Variants in PROCR observed in about 807,000 individuals in gnomAD.
The protein encoded by PROCR is endothelial protein C receptor.
A neutral mutation model predicts 24.2 loss-of-function variants in PROCR; 22 were observed. That is an observed-to-expected ratio of 0.91 (90% CI 0.65 to 1.30). The LOEUF (loss-of-function observed/expected upper bound fraction) is 1.30, where lower values mean the gene tolerates loss of function less well. Ranked by LOEUF, PROCR falls within the 50% of genes most tolerant of loss-of-function variation. The probability of loss-of-function intolerance (pLI) is 0.00; values close to 1 mark genes in which losing one functional copy is unlikely to be tolerated. For synonymous variants in PROCR, 137 were observed against 139.2 expected, an observed-to-expected ratio of 0.98 and a Z score of 0.11; for missense variants, 288 against 307.7, an observed-to-expected ratio of 0.94 and a Z score of 0.48.
chr20:35,176,863 G>A lies in PROCR; in HGVS notation c.*50G>A, dbSNP rs756214980. On this transcript the variant is annotated 3_prime_UTR_variant, in exon 4 of 4. Transcript: ENST00000216968. Reference sequence around the variant, plus strand: ...GGCTGGATTGATGGAGGCTGGCAAGGGAAAGTTTCAGCTCACTGTGAAGCC... The same window carrying A: ...GGCTGGATTGATGGAGGCTGGCAAGAGAAAGTTTCAGCTCACTGTGAAGCC... The A allele has an allele frequency of 1.9e-6, 3 of 1,596,932 alleles. No homozygotes were observed. Among genetic ancestry groups the A allele is most frequent in the East Asian group, 2.2e-5 (1 of 44,476 alleles).
intron 1 of PROCR, among the ~76,000 whole-genome samples, chr20:35,194,856 G>A (rs976551892): frequency 2.0e-5 from 3 of 152,128 alleles, no homozygotes; most frequent in African/African-American, 7.2e-5. Flanking sequence ...AAATAAACTA[G>A]TCACCATCCA....
rs116354683 is a variant in PROCR at position 35,204,689 on chromosome 20, C to T, written c.95-11204C>T. 8.2e-3 allele frequency among the ~76,000 whole-genome samples: 1,243 copies of T among 152,040 alleles called. 9 individuals are homozygous for T. Among genetic ancestry groups the T allele is most frequent in the African/African-American group, 0.029 (1,185 of 41,488 alleles). On this transcript the variant is annotated intron_variant, in intron 1 of 1. Transcript: ENST00000634509. ...CATGCCTGGCCCCCAAATGGTTTCA[C>T]TGGGAAATTCTACCAAATGTTAAAG...
At chr20:35,214,091 A>G (rs138085359) in intron 1 of PROCR, among the ~76,000 whole-genome samples, 2,293 of 152,048 alleles carry the variant, frequency 0.015, 57 homozygotes, top group African/African-American at 0.052. Context: ...ATAAAATAAA[A>G]TAATTAAAAA....
At chr20:35,213,904 G>A (rs1289393538) in intron 1 of PROCR, among the ~76,000 whole-genome samples, 1 of 147,122 alleles carries the variant, frequency 6.8e-6, no homozygotes, top group Non-Finnish European at 1.5e-5. Context: ...GTGAAACACT[G>A]TCTCTACTAA....
At chr20:35,182,689 T>G (rs1012454412) in intron 1 of PROCR, among the ~76,000 whole-genome samples, 1 of 152,130 alleles carries the variant, frequency 6.6e-6, no homozygotes, top group Non-Finnish European at 1.5e-5. Flanking sequence ...AATGTGATGT[T>G]ATGTGGCCGG....
At chr20:35,208,902 G>T (rs1216045682) in intron 1 of PROCR, among the ~76,000 whole-genome samples, 1 of 151,606 alleles carries the variant, frequency 6.6e-6, no homozygotes, top group Non-Finnish European at 1.5e-5. Flanking sequence ...AATCCAGGAG[G>T]CGGAGGCTGT....
downstream of PROCR, among the ~76,000 whole-genome samples, chr20:35,180,515 A>T (rs1432007131): frequency 6.6e-6 from 1 of 152,114 alleles, no homozygotes; most frequent in Admixed American, 6.6e-5. Flanking sequence ...CAGGGCTGGA[A>T]ATATTCACTC....
intron 2 of PROCR, among the ~76,000 whole-genome samples, chr20:35,175,514 G>A (rs1165459690): frequency 7.1e-6 from 1 of 139,902 alleles, no homozygotes; most frequent in East Asian, 2.1e-4. Context: ...GCACCACTCC[G>A]TCCCCCTTCC....
intron 1 of PROCR, among the ~76,000 whole-genome samples, chr20:35,184,800 A>T (rs2086109003): frequency 6.6e-6 from 1 of 152,212 alleles, no homozygotes; most frequent in South Asian, 2.1e-4. Context: ...AAACCCTTCT[A>T]GACATTGGCT....
At chr20:35,175,839 C>G (rs960680652) in intron 2 of PROCR, among the ~76,000 whole-genome samples, 1 of 151,762 alleles carries the variant, frequency 6.6e-6, no homozygotes, top group Non-Finnish European at 1.5e-5. Flanking sequence ...ACAAGCCTGG[C>G]CTCCCAAAGT....
chr20:35,171,484 G>A (rs1054299774), upstream of PROCR, among the ~76,000 whole-genome samples: 1 of 152,090 alleles, frequency 6.6e-6, no homozygotes, highest in African/African-American at 2.4e-5. Context: ...CATCTTCTGA[G>A]ATTTATACAG....
chr20:35,187,396 G>A (rs748397934), intron 1 of PROCR, among the ~76,000 whole-genome samples: 2 of 152,162 alleles, frequency 1.3e-5, no homozygotes, highest in Admixed American at 6.5e-5. Context: ...AATAATGTTG[G>A]GTAGCTGTAA....
At chr20:35,215,970 G>A (rs2060380828) in exon 2 of PROCR, 3 of 719,886 alleles carry the variant, frequency 4.2e-6, no homozygotes, top group Middle Eastern at 7.1e-4. Flanking sequence ...GGCCGAGGCA[G>A]GAGGATCACT....
At chr20:35,179,093 C>T (rs989083087), downstream of PROCR, among the ~76,000 whole-genome samples, 4 of 150,852 alleles carry the variant, frequency 2.7e-5, no homozygotes, top group African/African-American at 7.3e-5. Context: ...ATTAGCCGGG[C>T]ATGGTTGCGG....
chr20:35,211,874 G>C (rs2060363770), intron 1 of PROCR, among the ~76,000 whole-genome samples: 2 of 152,058 alleles, frequency 1.3e-5, no homozygotes, highest in South Asian at 4.2e-4. Flanking sequence ...AAATTAGCTG[G>C]GTGTGGTGGC....
chr20:35,196,180 C>CAA lies in PROCR; in HGVS notation c.95-19687_95-19686dup, dbSNP rs68132775. 2.4e-3 allele frequency among the ~76,000 whole-genome samples: 154 copies of CAA among 63,482 alleles called. 8 individuals are homozygous for CAA. The highest frequency in any genetic ancestry group is 3.1e-3 in the Non-Finnish European group (113 of 36,422). The allele number at this position is 63,482 out of a possible 152,430, so 41.6% of individuals were successfully genotyped here. A position where few individuals can be genotyped will look rare whatever the true frequency, so the allele number is the denominator to read the frequency against. On this transcript the variant is annotated intron_variant, in intron 1 of 1. Coordinates refer to the PROCR transcript ENST00000634509. ...CTGGGCAACAGAGTGAGACTGCCTCCAAAAAAAAAAAAAAAAAAAAAAAAA... is the reference window on the plus strand; with the variant it reads ...CTGGGCAACAGAGTGAGACTGCCTCCAAAAAAAAAAAAAAAAAAAAAAAAAAA...
chr20:35,213,084 A>T lies in PROCR; in HGVS notation c.95-2809A>T, dbSNP rs573624707. ...AGTGGCTCACGCCCATAATCCCAGC[A>T]CTTTGGGAGGCCGAGGCAGATGGAT... On this transcript the variant is annotated intron_variant, in intron 1 of 1. Transcript: ENST00000634509. 2.7e-3 allele frequency among the ~76,000 whole-genome samples: 414 copies of T among 152,308 alleles called. 2 individuals carry two copies. The highest frequency in any genetic ancestry group is 9.7e-3 in the African/African-American group (403 of 41,560).
downstream of PROCR, among the ~76,000 whole-genome samples, chr20:35,177,976 G>A (rs2086037796): frequency 6.6e-6 from 1 of 151,966 alleles, no homozygotes; most frequent in Non-Finnish European, 1.5e-5. Context: ...GGCTTCCTTA[G>A]AATTCCATTT....
intron 1 of PROCR, chr20:35,202,027 A>C (rs2060320097): frequency 1.3e-5 from 2 of 152,224 alleles, no homozygotes; most frequent in Non-Finnish European, 1.5e-5. Context: ...AAAAGGATAT[A>C]TCAAACCTGG....
Sources: allele counts gnomAD v4.1 joint callset (sites outside exome capture counted in the v4.1 genomes callset), GRCh38; gene constraint gnomAD v4.1.1; transcripts MANE v1.5; gene names NCBI Gene and HGNC (gene_info 2026-07-23, HGNC 2026-07-21).